WWOX: variants seen among roughly 807,000 people sequenced by gnomAD.
The protein encoded by WWOX is WW domain containing oxidoreductase.
WWOX carries 69 observed loss-of-function variants against 46.2 expected under a neutral mutation model. The observed-to-expected ratio is 1.49, with a 90% CI of 1.23 to 1.82. The LOEUF (loss-of-function observed/expected upper bound fraction) is 1.82. Ranked by LOEUF, WWOX falls within the 40% of genes most tolerant of loss-of-function variation. WWOX has a pLI of 0.00. For synonymous variants in WWOX, 359 were observed against 202.6 expected, an observed-to-expected ratio of 1.77 and a Z score of -6.56; for missense variants, 919 against 542.6, an observed-to-expected ratio of 1.69 and a Z score of -6.89.
intron 5 of WWOX, among the ~76,000 whole-genome samples, chr16:78,170,231 G>C (rs527674104): frequency 1.2e-4 from 18 of 152,288 alleles, no homozygotes; most frequent in African/African-American, 4.3e-4. Context: ...TAGTGGCAAA[G>C]ATTAGAATCA....
At chr16:78,461,273 C>G (rs973022725) in intron 8 of WWOX, among the ~76,000 whole-genome samples, 1 of 152,160 alleles carries the variant, frequency 6.6e-6, no homozygotes, top group Admixed American at 6.6e-5. Flanking sequence ...TGACACAGCC[C>G]CTCCCAGCAT....
At chr16:78,112,965 C>T (rs1016350522) in intron 3 of WWOX, among the ~76,000 whole-genome samples, 1 of 152,116 alleles carries the variant, frequency 6.6e-6, no homozygotes, top group African/African-American at 2.4e-5. Context: ...CTTGACTTCC[C>T]AAAGCATTCA....
intron 5 of WWOX, among the ~76,000 whole-genome samples, chr16:78,243,094 A>G (rs1396700449): frequency 6.6e-6 from 1 of 151,942 alleles, no homozygotes; most frequent in East Asian, 1.9e-4. Context: ...CCATTCTTCC[A>G]CTGTCATCCC....
intron 5 of WWOX, among the ~76,000 whole-genome samples, chr16:78,251,583 C>G (rs1197491963): frequency 6.6e-6 from 1 of 152,220 alleles, no homozygotes; most frequent in African/African-American, 2.4e-5. Context: ...CTGCAAAACT[C>G]TTCTAGCTAA....
intron 4 of WWOX, among the ~76,000 whole-genome samples, chr16:78,137,869 A>G (rs779552543): frequency 2.1e-5 from 3 of 141,124 alleles, no homozygotes; most frequent in Non-Finnish European, 4.8e-5. Flanking sequence ...TAGAATTGAT[A>G]TATGAAAGCA....
At chr16:78,859,041 T>TTTTTTC (rs1567608607) in intron 8 of WWOX, among the ~76,000 whole-genome samples, 1 of 23,734 alleles carries the variant, frequency 4.2e-5, no homozygotes, top group East Asian at 5.8e-4. Flanking sequence ...TATATATATA[T>TTTTTTC]ATATATATGT....
At chr16:78,488,129 T>C (rs566605629) in intron 8 of WWOX, among the ~76,000 whole-genome samples, 118 of 152,222 alleles carry the variant, frequency 7.8e-4, no homozygotes, top group African/African-American at 2.8e-3. Context: ...GTAATGTAGA[T>C]TTTGGAGGAC....
intron 8 of WWOX, among the ~76,000 whole-genome samples, chr16:79,103,776 A>G (rs1034245630): frequency 6.6e-6 from 1 of 152,108 alleles, no homozygotes; most frequent in African/African-American, 2.4e-5. Context: ...TGAGTCCTCA[A>G]GGATGGTAAG....
rs1567553382 is a variant in WWOX, at chr16:78,406,329, TA to T, written c.606-18540del. On this transcript the variant is annotated intron_variant, in intron 6 of 8. Transcript: ENST00000566780. ...ATATATATATATATATATATATATA[TA>T]TATATATATATATATATATATATAT... Among the ~76,000 whole-genome samples the T allele has an allele frequency of 1.8e-3, 159 of 90,206 alleles. 3 individuals are homozygous for T. The highest frequency in any genetic ancestry group is 0.016 in the African/African-American group (144 of 9,274). 59.2% of individuals were successfully genotyped at this position (90,206 alleles called of 152,430 possible).
intron 8 of WWOX, among the ~76,000 whole-genome samples, chr16:79,058,271 A>G (rs1395268624): frequency 1.3e-5 from 2 of 152,086 alleles, no homozygotes; most frequent in Non-Finnish European, 2.9e-5. Flanking sequence ...CTGAGCCTCT[A>G]TTTTCTCTAT....
intron 8 of WWOX, among the ~76,000 whole-genome samples, chr16:78,998,377 C>T (rs1182487996): frequency 1.3e-5 from 2 of 152,120 alleles, no homozygotes; most frequent in East Asian, 3.9e-4. Flanking sequence ...TGTACTCGGG[C>T]CCAGAGCAGA....
chr16:78,526,305 G>C (rs2043466613), intron 8 of WWOX: 1 of 152,344 alleles, frequency 6.6e-6, no homozygotes. Context: ...GCTGGTCCTG[G>C]ATCCTTGCGA....
At chr16:78,767,100 C>CCCTT (rs1018854838) in intron 8 of WWOX, among the ~76,000 whole-genome samples, 2 of 129,988 alleles carry the variant, frequency 1.5e-5, no homozygotes, top group African/African-American at 5.7e-5. Context: ...CTCCTTTCCT[C>CCCTT]CCTTCCTTCC....
chr16:78,334,294 T>G (rs1187343423), intron 5 of WWOX, among the ~76,000 whole-genome samples: 2 of 152,210 alleles, frequency 1.3e-5, no homozygotes, highest in Non-Finnish European at 2.9e-5. Context: ...CCTCCGTGAA[T>G]GCACAATTTA....
At chr16:78,862,052 A>G (rs559083373) in intron 8 of WWOX, among the ~76,000 whole-genome samples, 97 of 152,236 alleles carry the variant, frequency 6.4e-4, no homozygotes, top group African/African-American at 2.2e-3. Context: ...TATTATATAT[A>G]TAGAGAGAGA....
chr16:78,506,864 C>T (rs943337768), intron 8 of WWOX, among the ~76,000 whole-genome samples: 1 of 152,018 alleles, frequency 6.6e-6, no homozygotes, highest in Non-Finnish European at 1.5e-5. Flanking sequence ...AGGCACCTAC[C>T]ACCACGCCTG....
At chr16:78,320,701 G>C (rs1256257041) in intron 5 of WWOX, among the ~76,000 whole-genome samples, 1 of 152,146 alleles carries the variant, frequency 6.6e-6, no homozygotes, top group Non-Finnish European at 1.5e-5. Flanking sequence ...GTATCTGGAT[G>C]TTTCTAACCA....
chr16:78,465,288 A>G (rs570581167), intron 8 of WWOX, among the ~76,000 whole-genome samples: 8 of 152,358 alleles, frequency 5.3e-5, no homozygotes, highest in Non-Finnish European at 1.2e-4. Context: ...TTAGACTTAA[A>G]ACCATTCAGC....
intron 8 of WWOX, among the ~76,000 whole-genome samples, chr16:78,810,440 T>G (rs2051158118): frequency 6.6e-6 from 1 of 152,204 alleles, no homozygotes; most frequent in South Asian, 2.1e-4. Flanking sequence ...CTATCAAATA[T>G]TACATGTCAA....
Sources: allele counts gnomAD v4.1 joint callset (sites outside exome capture counted in the v4.1 genomes callset), GRCh38; gene constraint gnomAD v4.1.1; transcripts MANE v1.5; gene names NCBI Gene and HGNC (gene_info 2026-07-23, HGNC 2026-07-21).